IRAG2: variants seen among roughly 807,000 people sequenced by gnomAD.
IRAG2 encodes inositol 1,4,5-triphosphate receptor associated 2.
A neutral mutation model predicts 69.9 loss-of-function variants in IRAG2; 45 were observed. That is an observed-to-expected ratio of 0.64 (90% CI 0.51 to 0.83). IRAG2 has a LOEUF of 0.83. IRAG2 is among the 40% of genes least tolerant of loss of function. IRAG2 has a pLI of 0.00. For synonymous variants in IRAG2, 193 were observed against 202.4 expected (o/e 0.95, Z 0.40); for missense variants, 520 against 587.0 (o/e 0.89, Z 1.18).
upstream of IRAG2, among the ~76,000 whole-genome samples, chr12:25,051,135 C>A (rs1254788647): frequency 6.6e-6 from 1 of 151,932 alleles, no homozygotes; most frequent in Non-Finnish European, 1.5e-5. Context: ...AATGTTCCTG[C>A]CACAGTTAAA....
chr12:25,009,765 G>T (rs1024448693), intron 2 of IRAG2, among the ~76,000 whole-genome samples: 1 of 150,538 alleles, frequency 6.6e-6, no homozygotes, highest in South Asian at 2.1e-4. Context: ...CAGGCTTGAA[G>T]CAAGGAAGAG....
chr12:25,023,501 CA>C (rs1388216397), intron 7 of IRAG2, among the ~76,000 whole-genome samples: 2 of 152,122 alleles, frequency 1.3e-5, no homozygotes, highest in Non-Finnish European at 2.9e-5. Context: ...AGAATATCCA[CA>C]GCTTCAAATA....
upstream of IRAG2, among the ~76,000 whole-genome samples, chr12:25,049,714 C>T (rs1041605642): frequency 9.9e-5 from 15 of 152,070 alleles, no homozygotes; most frequent in Non-Finnish European, 1.6e-4. Flanking sequence ...CGGCCGGATG[C>T]GGTGGCTCAC....
At position 25,009,885 on chromosome 12, in the gene IRAG2, G is replaced by C. The variant is rs77425991; in HGVS notation, c.689-1459G>C. On this transcript the variant is annotated intron_variant, in intron 2 of 38. Transcript: ENST00000636465. ...CTGTTACCTGGGAGAAGGTCAGCTT[G>C]TTTGTTCTATTCAGGCCTTCAACTG... Among the ~76,000 whole-genome samples the C allele has an allele frequency of 5.9e-3, 898 of 152,274 alleles. 7 individuals are homozygous for C. Among genetic ancestry groups the C allele is most frequent in the African/African-American group, 0.021 (855 of 41,544 alleles).
chr12:25,094,513 GTCC>G lies in IRAG2; in HGVS notation c.607-2392_607-2390del, dbSNP rs570901773. Among the ~76,000 whole-genome samples, 8 of 152,140 alleles carry G rather than the reference GTCC, an allele frequency of 5.3e-5. No individual in the cohort carries two copies. The South Asian group carries it at 1.7e-3, about 32-fold the overall frequency. On this transcript the variant is annotated intron_variant, in intron 14 of 21. Transcript: ENST00000556887. ...TATGTTTTAAAATTAGGAAGTATGA[GTCC>G]TCCTACTTTTTCAAAAGTGTTTTGG...
At position 25,106,999 on chromosome 12, in the gene IRAG2, C is replaced by A; in HGVS notation, c.1205C>A (p.Pro402Gln). The change falls in exon 21 of 22, where the codon CCA becomes CAA. Residue 402 changes from proline (P) to glutamine (Q), a missense_variant. Pro to Gln is a moderately conservative substitution (Grantham distance 76). Coordinates refer to ENST00000556887, the MANE Select transcript of IRAG2 (RefSeq NM_001366544.2). ...GAAACAGTAGAAAGGACAAGGAAGC[C>A]AAGTCTTTCTGAAAAGAAAAATAAT... ...GEETVERTRK[P>Q]SLSEKKNNPS... The A allele has an allele frequency of 6.2e-7, 1 of 1,607,722 alleles. No individual in the cohort carries two copies.
chr12:24,998,239 A>G, the IRAG2 span, among the ~76,000 whole-genome samples: 1 of 152,200 alleles, frequency 6.6e-6, no homozygotes, highest in South Asian at 2.1e-4. Flanking sequence ...TGACCCAGCC[A>G]AGAAGCTTAA....
At chr12:25,089,040 C>G (rs1410344316) in intron 11 of IRAG2, among the ~76,000 whole-genome samples, 1 of 152,104 alleles carries the variant, frequency 6.6e-6, no homozygotes, top group African/African-American at 2.4e-5. Context: ...AGACTTAAAC[C>G]AAGTTTGTTT....
chr12:25,079,677 A>G lies in IRAG2; in HGVS notation c.158A>G (p.Asn53Ser). The G allele has an allele frequency of 6.2e-7, 1 of 1,613,216 alleles. No homozygotes were observed. The highest frequency in any genetic ancestry group is 1.7e-5 in the Admixed American group (1 of 60,014). Residue 53 changes from asparagine to serine, a missense_variant, in exon 9 of 22, where the codon AAT (asparagine) becomes AGT (serine). Coordinates refer to ENST00000556887, the MANE Select transcript of IRAG2 (RefSeq NM_001366544.2). ...TSSDPGLEIL[N>S]MASCDLDRNS... is the part of the protein sequence containing the mutation. ...ACAGATCCTGGATTAGAAATTCTGA[A>G]TATGGCTTCTTGTGACCTTGACAGA...
chr12:25,026,042 A>G (rs1260609780), intron 8 of IRAG2, among the ~76,000 whole-genome samples: 4 of 152,226 alleles, frequency 2.6e-5, no homozygotes, highest in Admixed American at 6.5e-5. Context: ...GTATTGTGAA[A>G]GCAGTCATAG....
chr12:25,108,213 C>A lies in IRAG2; in HGVS notation c.*153C>A. On this transcript the variant is annotated 3_prime_UTR_variant, in exon 22 of 22. Transcript: ENST00000556887. ...TTACATTTCCTCTTTTTGCCTTTAT[C>A]TCCCCAACTAAAATACAATGGGGAA... 1 of 800,018 alleles carries A rather than the reference C, an allele frequency of 1.2e-6. No individual in the cohort carries two copies. The highest frequency in any genetic ancestry group is 2.0e-5 in the South Asian group (1 of 49,406). The allele number at this position is 800,018 out of a possible 1,614,324, so 49.6% of individuals were successfully genotyped here.
At position 25,100,954 on chromosome 12, in the gene IRAG2, C is replaced by T. The variant is rs142940531; in HGVS notation, c.742-224C>T. The T allele has an allele frequency of 1.4e-4, 50 of 365,814 alleles. No individual in the cohort carries two copies. In the Middle Eastern group the frequency reaches 2.3e-3, roughly 17 times the overall value. 22.7% of individuals were successfully genotyped at this position (365,814 alleles called of 1,614,324 possible). Reference sequence around the variant, plus strand: ...TGCCTTTTTTAGGGTTCAGCTTTTCCAGGTCTTAGTCATTTGCCACTAGTC... The same window carrying T: ...TGCCTTTTTTAGGGTTCAGCTTTTCTAGGTCTTAGTCATTTGCCACTAGTC... On this transcript the variant is annotated intron_variant, in intron 15 of 21. Coordinates refer to ENST00000556887, the MANE Select transcript of IRAG2 (RefSeq NM_001366544.2).
At position 25,102,334 on chromosome 12, in the gene IRAG2, C is replaced by T. The variant is rs1948805530; in HGVS notation, c.933+93C>T. The T allele has an allele frequency of 9.7e-5, 89 of 917,550 alleles. No individual in the cohort carries two copies. The South Asian group carries it at 1.3e-3, about 13-fold the overall frequency. The allele number at this position is 917,550 out of a possible 1,614,324, so 56.8% of individuals were successfully genotyped here. A position where few individuals can be genotyped will look rare whatever the true frequency, so the allele number is the denominator to read the frequency against. ...GTTTCAGGCCTTTATATGTAAATAA[C>T]AAAATAGTGATTTTAATTCATATAG... On this transcript the variant is annotated intron_variant, in intron 17 of 21. Coordinates refer to ENST00000556887, the MANE Select transcript of IRAG2 (RefSeq NM_001366544.2).
Position 25,107,948 on chromosome 12 carries a change from T to G in IRAG2, c.1388T>G (p.Phe463Cys). 6.2e-7 allele frequency: 1 copy of G among 1,614,186 alleles called. No homozygotes were observed. Among genetic ancestry groups the G allele is most frequent in the Non-Finnish European group, 8.5e-7 (1 of 1,180,024 alleles). Reference protein sequence around the residue: ...ALMSFLTGQLFQKSVDAAPTQ... With the variant: ...ALMSFLTGQLCQKSVDAAPTQ... ...ATGAGCTTCCTCACAGGCCAATTATTCCAGAAGTCTGTGGATGCCGCTCCC... is the reference window on the plus strand; with the variant it reads ...ATGAGCTTCCTCACAGGCCAATTATGCCAGAAGTCTGTGGATGCCGCTCCC... Residue 463 changes from phenylalanine to cysteine, a missense_variant, in exon 22 of 22, where the codon TTC becomes TGC. Physicochemically the swap from Phe to Cys is radical, Grantham distance 205. Coordinates refer to ENST00000556887, the MANE Select transcript of IRAG2 (RefSeq NM_001366544.2).
chr12:25,101,289 C>T lies in IRAG2; in HGVS notation c.853C>T (p.Gln285Ter), dbSNP rs1335408311. 6.2e-7 allele frequency: 1 copy of T among 1,608,514 alleles called. No homozygotes were observed. The highest frequency in any genetic ancestry group is 8.5e-7 in the Non-Finnish European group (1 of 1,176,822). The change falls in exon 16 of 22, where the codon CAG becomes TAG. Residue 285 changes from glutamine (Q) to a stop codon, truncating the protein, a stop_gained. Coordinates refer to ENST00000556887, the MANE Select transcript of IRAG2 (RefSeq NM_001366544.2). LOFTEE classifies it high-confidence loss of function. ...AGAAGAACTGAAACAGGTTCTTCTGCAGAATGAAAGGTCTTTCAATCCTCT... is the reference window on the plus strand; with the variant it reads ...AGAAGAACTGAAACAGGTTCTTCTGTAGAATGAAAGGTCTTTCAATCCTCT... ...ELEELKQVLLQNERSFNPLED... is the reference protein window; with the variant it reads ...ELEELKQVLL
chr12:25,050,199 C>T (rs967021837), upstream of IRAG2, among the ~76,000 whole-genome samples: 7 of 151,302 alleles, frequency 4.6e-5, no homozygotes, highest in African/African-American at 1.7e-4. Flanking sequence ...TCCTAGTGCA[C>T]AGTTGGGGGA....
In IRAG2 at chr12:25,062,893, A is replaced by G; in HGVS notation, c.-311A>G. ...GATGCAATTCAACAACCTCTTCAAG[A>G]AAAATTGGTAATTGCGAGCTTTTTG... On this transcript the variant is annotated 5_prime_UTR_variant, in exon 3 of 22. Transcript: ENST00000556887. 2 of 399,010 alleles carry G rather than the reference A, an allele frequency of 5.0e-6. No homozygotes were observed. Among genetic ancestry groups the G allele is most frequent in the Non-Finnish European group, 8.8e-6 (2 of 226,022 alleles). The allele number at this position is 399,010 out of a possible 1,614,324, so 24.7% of individuals were successfully genotyped here. A position where few individuals can be genotyped will look rare whatever the true frequency, so the allele number is the denominator to read the frequency against.
chr12:25,001,872 C>A (rs978024389), upstream of IRAG2, among the ~76,000 whole-genome samples: 1 of 151,270 alleles, frequency 6.6e-6, no homozygotes, highest in Non-Finnish European at 1.5e-5. Context: ...TGGGTTCAAG[C>A]AATTCTCCTG....
At chr12:24,999,478 G>A (rs1057212776), upstream of IRAG2, among the ~76,000 whole-genome samples, 1 of 152,176 alleles carries the variant, frequency 6.6e-6, no homozygotes, top group Non-Finnish European at 1.5e-5. Context: ...CCAGAGCAAT[G>A]AAGCATAGTT....
Sources: allele counts gnomAD v4.1 joint callset (sites outside exome capture counted in the v4.1 genomes callset), GRCh38; gene constraint gnomAD v4.1.1; transcripts MANE v1.5; gene names NCBI Gene and HGNC (gene_info 2026-07-23, HGNC 2026-07-21).